Variants in LZTFL1 observed in about 807,000 individuals in gnomAD.
LZTFL1 encodes the protein leucine zipper transcription factor-like protein 1.
LZTFL1 carries 25 observed loss-of-function variants against 45.9 expected under a neutral mutation model. The ratio of observed to expected loss-of-function variants is 0.54; its 90% confidence interval spans 0.40 to 0.76. LZTFL1 has a LOEUF of 0.76. Ranked by LOEUF, LZTFL1 falls within the 30% of genes least tolerant of loss-of-function variation. The probability of loss-of-function intolerance (pLI) is 0.00; values close to 1 mark genes in which losing one functional copy is unlikely to be tolerated. For missense variants in LZTFL1, 277 were observed against 331.1 expected, an observed-to-expected ratio of 0.84 and a Z score of 1.27; for synonymous variants, 93 against 117.4, an observed-to-expected ratio of 0.79 and a Z score of 1.35.
intron 2 of LZTFL1, among the ~76,000 whole-genome samples, chr3:45,903,925 T>C (rs1702629754): frequency 6.6e-6 from 1 of 152,232 alleles, no homozygotes; most frequent in Non-Finnish European, 1.5e-5. Flanking sequence ...ATAAAAAAGA[T>C]GCATGAGCCA....
chr3:45,900,038 T>G lies in LZTFL1; in HGVS notation c.-215+13082A>C, dbSNP rs952009824. 6.6e-6 allele frequency among the ~76,000 whole-genome samples: 1 copy of G among 152,204 alleles called. No individual in the cohort carries two copies. Among genetic ancestry groups the G allele is most frequent in the African/African-American group, 2.4e-5 (1 of 41,456 alleles). On this transcript the variant is annotated intron_variant, in intron 2 of 4. Coordinates refer to the LZTFL1 transcript ENST00000472635. The surrounding 1 kb of genome is among the most constrained non-coding windows in gnomAD (Gnocchi z 4.7). ...ACGAGAGCATGTGCAAGTGCATGTA[T>G]TATGTGTATGCATGTACATATGAGT...
At chr3:45,851,196 G>T (rs913228090) in intron 4 of LZTFL1, among the ~76,000 whole-genome samples, 6 of 150,198 alleles carry the variant, frequency 4.0e-5, no homozygotes, top group Non-Finnish European at 8.9e-5. Context: ...CTTAAACCTT[G>T]CCTCTAACTT....
intron 2 of LZTFL1, among the ~76,000 whole-genome samples, chr3:45,859,768 C>A (rs1231689077): frequency 6.6e-6 from 1 of 151,562 alleles, no homozygotes; most frequent in South Asian, 2.1e-4. Flanking sequence ...TCCCAAGTAG[C>A]TGGGATTACA....
chr3:45,867,854 C>T (rs1271729917), intron 2 of LZTFL1, among the ~76,000 whole-genome samples: 2 of 151,944 alleles, frequency 1.3e-5, no homozygotes, highest in Admixed American at 6.6e-5. Flanking sequence ...AAAACAACAA[C>T]GACAACGAAC....
chr3:45,851,579 A>G (rs1231351976), intron 4 of LZTFL1, among the ~76,000 whole-genome samples: 1 of 151,514 alleles, frequency 6.6e-6, no homozygotes, highest in Non-Finnish European at 1.5e-5. Flanking sequence ...CTTCTCTTTG[A>G]CTCATTTCTC....
chr3:45,826,620 C>G (rs577788345), intron 9 of LZTFL1, among the ~76,000 whole-genome samples: 2 of 152,134 alleles, frequency 1.3e-5, no homozygotes, highest in Non-Finnish European at 2.9e-5. Flanking sequence ...ACAGTTGATA[C>G]GACTATATGA....
In LZTFL1 at chr3:45,855,633, A is replaced by T. The variant is rs930418020; in HGVS notation, c.-137-559T>A. 8.5e-5 allele frequency among the ~76,000 whole-genome samples: 13 copies of T among 152,308 alleles called. No individual in the cohort carries two copies. The East Asian group carries it at 2.3e-3, about 27-fold the overall frequency. The stretch of plus-strand genomic sequence containing the variant: ...CAAACTGTCTCTGTTTGCACATGAC[A>T]TGATCCTATATCTAGAAAACCCCAC... On this transcript the variant is annotated intron_variant, in intron 3 of 4. Coordinates refer to the LZTFL1 transcript ENST00000472635.
At chr3:45,860,885 G>C (rs1701477093) in intron 2 of LZTFL1, among the ~76,000 whole-genome samples, 1 of 152,062 alleles carries the variant, frequency 6.6e-6, no homozygotes, top group Non-Finnish European at 1.5e-5. Context: ...TATTTTTCCT[G>C]CTGCTAGGAG....
chr3:45,902,103 C>G (rs17765088), intron 2 of LZTFL1: 47,367 of 526,028 alleles, frequency 0.09, 2,631 homozygotes, highest in Non-Finnish European at 0.11. Context: ...TTGATTGGCT[C>G]TTGACTGTGA....
intron 3 of LZTFL1, among the ~76,000 whole-genome samples, chr3:45,858,575 T>C (rs1253946521): frequency 1.3e-5 from 2 of 152,260 alleles, no homozygotes; most frequent in Non-Finnish European, 2.9e-5. Flanking sequence ...TGTACTCATA[T>C]GCTCTATAAA....
chr3:45,900,808 A>G lies in LZTFL1; in HGVS notation c.-215+12312T>C. 1 of 1,606,152 alleles carries G rather than the reference A, an allele frequency of 6.2e-7. No individual in the cohort carries two copies. Among genetic ancestry groups the G allele is most frequent in the Non-Finnish European group, 8.5e-7 (1 of 1,174,558 alleles). Reference sequence around the variant, plus strand: ...CTAATGCCATCTTGTGTCCCCTTGCAGAGCCCTATTCCTAACATGGCTGAT... The same window carrying G: ...CTAATGCCATCTTGTGTCCCCTTGCGGAGCCCTATTCCTAACATGGCTGAT... On this transcript the variant is annotated intron_variant, in intron 2 of 4. Transcript: ENST00000472635. This position sits in a 1 kb window ranked among gnomAD's most constrained non-coding sequence, Gnocchi z 4.7.
At chr3:45,872,828 T>C (rs559851445) in intron 2 of LZTFL1, among the ~76,000 whole-genome samples, 15 of 152,276 alleles carry the variant, frequency 9.9e-5, no homozygotes, top group East Asian at 7.7e-4. Flanking sequence ...AATTGAGAAA[T>C]GCTTTTATGA....
At chr3:45,903,260 C>T in intron 2 of LZTFL1, 1 of 163,206 alleles carries the variant, frequency 6.1e-6, no homozygotes. Flanking sequence ...CCTTGTTCTA[C>T]TTTCCCTGCT....
At chr3:45,856,633 T>A (rs776878383) in intron 3 of LZTFL1, among the ~76,000 whole-genome samples, 1 of 152,044 alleles carries the variant, frequency 6.6e-6, no homozygotes, top group African/African-American at 2.4e-5. Context: ...AATCGATCCA[T>A]CTAACAAAGG....
intron 2 of LZTFL1, among the ~76,000 whole-genome samples, chr3:45,886,098 G>A (rs72884905): frequency 6.6e-6 from 1 of 152,160 alleles, no homozygotes; most frequent in Non-Finnish European, 1.5e-5. Context: ...ACAGCCCTCC[G>A]GGTTCTGGTA....
intron 2 of LZTFL1, among the ~76,000 whole-genome samples, chr3:45,860,658 A>G (rs768152392): frequency 5.3e-5 from 8 of 152,164 alleles, no homozygotes; most frequent in African/African-American, 1.9e-4. Context: ...TGAGGCCACC[A>G]TGTGACAGAG....
intron 4 of LZTFL1, among the ~76,000 whole-genome samples, chr3:45,854,717 T>C (rs1256305449): frequency 1.3e-5 from 2 of 152,228 alleles, no homozygotes; most frequent in Non-Finnish European, 1.5e-5. Flanking sequence ...TCCATCAGTG[T>C]GTCTTGGTCT....
At chr3:45,849,807 T>A (rs1701280735) in intron 4 of LZTFL1, among the ~76,000 whole-genome samples, 1 of 152,250 alleles carries the variant, frequency 6.6e-6, no homozygotes, top group African/African-American at 2.4e-5. Context: ...CAGTTGTTCT[T>A]ATGTGATATA....
intron 2 of LZTFL1, among the ~76,000 whole-genome samples, chr3:45,888,895 A>G (rs965229990): frequency 2.4e-4 from 37 of 152,170 alleles, no homozygotes; most frequent in African/African-American, 8.7e-4. Context: ...CTCTCTCCAA[A>G]TTTTCTATGA....
Sources: allele counts gnomAD v4.1 joint callset (sites outside exome capture counted in the v4.1 genomes callset), GRCh38; gene constraint gnomAD v4.1.1; non-coding constraint Gnocchi (gnomAD v3.1); transcripts MANE v1.5; gene names NCBI Gene and HGNC (gene_info 2026-07-23, HGNC 2026-07-21).